The following FHIT variants were observed in gnomAD, a reference collection of about 807,000 sequenced individuals.
The protein encoded by FHIT is bis(5'-adenosyl)-triphosphatase.
FHIT carries 19 observed loss-of-function variants against 17.9 expected under a neutral mutation model. That is an observed-to-expected ratio of 1.06 (90% confidence interval 0.74 to 1.56). FHIT has a LOEUF of 1.56. FHIT is among the 40% of genes most tolerant of loss of function. The probability of loss-of-function intolerance (pLI) is 0.00; values close to 1 mark genes in which losing one functional copy is unlikely to be tolerated. For missense variants in FHIT, 248 were observed against 189.2 expected (o/e 1.31, Z -1.82); for synonymous variants, 81 against 69.7 (o/e 1.16, Z -0.81).
intron 4 of FHIT, among the ~76,000 whole-genome samples, chr3:60,574,364 C>CTT (rs77222262): frequency 2.8e-5 from 4 of 144,842 alleles, no homozygotes; most frequent in African/African-American, 5.1e-5. Context: ...TCTCCAACTC[C>CTT]TTTTTTTTTT....
At chr3:60,550,611 A>ATT (rs5849376) in intron 4 of FHIT, among the ~76,000 whole-genome samples, 4 of 138,428 alleles carry the variant, frequency 2.9e-5, no homozygotes, top group Admixed American at 7.1e-5. Flanking sequence ...CTGTTCTGTC[A>ATT]TTTTTTTTTT....
intron 4 of FHIT, among the ~76,000 whole-genome samples, chr3:60,582,657 TGC>T (rs1309786593): frequency 6.6e-6 from 1 of 152,068 alleles, no homozygotes; most frequent in Non-Finnish European, 1.5e-5. Flanking sequence ...GTGAAGATAC[TGC>T]CAAATTAAAG....
intron 3 of FHIT, among the ~76,000 whole-genome samples, chr3:61,022,072 A>C (rs2032469168): frequency 6.6e-6 from 1 of 152,176 alleles, no homozygotes; most frequent in Admixed American, 6.5e-5. Context: ...GTTTTTGAAA[A>C]GATTAACAAA....
intron 5 of FHIT, among the ~76,000 whole-genome samples, chr3:60,382,077 C>G (rs1700821566): frequency 6.6e-6 from 1 of 152,184 alleles, no homozygotes; most frequent in African/African-American, 2.4e-5. Context: ...TGGACAGTGG[C>G]TAGCCTAGAG....
intron 4 of FHIT, among the ~76,000 whole-genome samples, chr3:60,539,556 G>A (rs1303235742): frequency 5.3e-5 from 8 of 152,182 alleles, no homozygotes; most frequent in Non-Finnish European, 1.2e-4. Context: ...ATGTCCAACA[G>A]TGATAGACTA....
At chr3:60,036,553 T>C (rs1331892006) in intron 5 of FHIT, among the ~76,000 whole-genome samples, 1 of 152,220 alleles carries the variant, frequency 6.6e-6, no homozygotes, top group Non-Finnish European at 1.5e-5. Flanking sequence ...TTCTTATTTA[T>C]ATCATAAAGA....
intron 5 of FHIT, among the ~76,000 whole-genome samples, chr3:60,456,555 C>T (rs2032106781): frequency 6.6e-6 from 1 of 152,186 alleles, no homozygotes; most frequent in Admixed American, 6.5e-5. Flanking sequence ...TTTACTGTAT[C>T]ATAGCAATTA....
rs146904410 is a variant in FHIT, at chr3:60,689,078, T to G, written c.-18+132841A>C. Among the ~76,000 whole-genome samples the G allele has an allele frequency of 5.9e-3, 899 of 152,278 alleles. 10 individuals carry two copies. Among genetic ancestry groups the G allele is most frequent in the African/African-American group, 0.02 (835 of 41,570 alleles). On this transcript the variant is annotated intron_variant, in intron 4 of 9. Coordinates refer to ENST00000492590, the MANE Select transcript of FHIT (RefSeq NM_002012.4). The stretch of plus-strand genomic sequence containing the variant: ...GGTCTTTCTCATGCTGTTCTCCTGA[T>G]AGTGAATAAGTCTCACAAGATCTGA...
At chr3:59,876,161 T>C (rs1383242313) in intron 8 of FHIT, among the ~76,000 whole-genome samples, 2 of 152,110 alleles carry the variant, frequency 1.3e-5, no homozygotes, top group Admixed American at 6.5e-5. Context: ...ATGGTTAAAA[T>C]AGTAAATTTT....
At chr3:59,952,896 A>G (rs1197969097) in intron 7 of FHIT, among the ~76,000 whole-genome samples, 1 of 151,954 alleles carries the variant, frequency 6.6e-6, no homozygotes, top group African/African-American at 2.4e-5. Context: ...AGTGAAGAGG[A>G]GACTAGCCAC....
chr3:60,769,847 C>T (rs1699982658), intron 4 of FHIT, among the ~76,000 whole-genome samples: 1 of 152,144 alleles, frequency 6.6e-6, no homozygotes, highest in Non-Finnish European at 1.5e-5. Context: ...CACAAAGACT[C>T]AAATATAGAA....
At chr3:60,332,461 C>T (rs762020820) in intron 5 of FHIT, among the ~76,000 whole-genome samples, 4 of 152,148 alleles carry the variant, frequency 2.6e-5, no homozygotes, top group Non-Finnish European at 5.9e-5. Context: ...GAATGAAGAA[C>T]GAGCTAGGTG....
chr3:60,884,080 G>A (rs1387032916), intron 3 of FHIT, among the ~76,000 whole-genome samples: 2 of 152,098 alleles, frequency 1.3e-5, no homozygotes, highest in Non-Finnish European at 2.9e-5. Context: ...CTTAAAAGGA[G>A]ACATACAAAT....
At chr3:60,911,621 C>T (rs782134633) in intron 3 of FHIT, among the ~76,000 whole-genome samples, 4 of 152,188 alleles carry the variant, frequency 2.6e-5, no homozygotes, top group Non-Finnish European at 5.9e-5. Context: ...TTTCTTTAAC[C>T]TTCAAGAGAA....
intron 5 of FHIT, among the ~76,000 whole-genome samples, chr3:60,302,564 A>T (rs1021993876): frequency 6.6e-6 from 1 of 152,188 alleles, no homozygotes; most frequent in Admixed American, 6.6e-5. Context: ...TTGGAACTAA[A>T]TAACTATTTA....
At chr3:60,723,157 G>A (rs571363063) in intron 4 of FHIT, among the ~76,000 whole-genome samples, 11 of 152,228 alleles carry the variant, frequency 7.2e-5, no homozygotes, top group African/African-American at 1.2e-4. Flanking sequence ...CTCTTCCCAC[G>A]GCATGCTGAA....
At chr3:59,995,659 A>G (rs1158819614) in intron 7 of FHIT, among the ~76,000 whole-genome samples, 1 of 152,122 alleles carries the variant, frequency 6.6e-6, no homozygotes, top group Non-Finnish European at 1.5e-5. Flanking sequence ...CATCTTAGGC[A>G]CCATGCTTTG....
intron 5 of FHIT, among the ~76,000 whole-genome samples, chr3:60,330,784 G>T (rs567659750): frequency 6.6e-6 from 1 of 152,114 alleles, no homozygotes; most frequent in Non-Finnish European, 1.5e-5. Context: ...TGATTTACAC[G>T]TGTTACAATT....
At chr3:60,513,356 C>T (rs996487382) in intron 5 of FHIT, among the ~76,000 whole-genome samples, 1 of 152,100 alleles carries the variant, frequency 6.6e-6, no homozygotes, top group Admixed American at 6.5e-5. Context: ...AGGTATTTTT[C>T]TTCAGCCTCA....
Sources: gnomAD v4.1 joint callset for allele counts (sites outside exome capture counted in the v4.1 genomes callset) on GRCh38, gnomAD v4.1.1 for gene constraint, MANE v1.5 for transcripts, NCBI Gene and HGNC (gene_info 2026-07-23, HGNC 2026-07-21) for gene names.